Variants in ODF2 observed in about 807,000 individuals in gnomAD.
ODF2 encodes the protein outer dense fiber of sperm tails 2.
Under a neutral mutation model 110.2 loss-of-function variants are expected in ODF2, and 47 were observed. That is an observed-to-expected ratio of 0.43 (90% CI 0.34 to 0.54). The LOEUF is 0.54. Among genes scored for constraint, ODF2 ranks in the 20% least tolerant of loss-of-function variants. The pLI, the probability that ODF2 is intolerant of heterozygous loss-of-function variation, is 0.03. For missense variants in ODF2, 812 were observed against 1,054.5 expected (o/e 0.77, Z 3.19); for synonymous variants, 352 against 397.7 (o/e 0.89, Z 1.37).
chr9:128,461,185 A>T (rs1040117592), intron 4 of ODF2, 118 bp downstream of exon 4: 2 of 1,287,070 alleles, frequency 1.6e-6, no homozygotes, highest in African/African-American at 3.0e-5. Flanking sequence ...GACCCCATTT[A>T]CTGAGGGCCT....
intron 13 of ODF2, among the ~76,000 whole-genome samples, chr9:128,487,385 C>T (rs1843578268): frequency 6.6e-6 from 1 of 152,128 alleles, no homozygotes; most frequent in African/African-American, 2.4e-5. Context: ...AATGCCAAGG[C>T]AGGGCAGCAG....
intron 8 of ODF2, among the ~76,000 whole-genome samples, chr9:128,475,141 C>T (rs1201488238): frequency 2.6e-5 from 4 of 152,050 alleles, no homozygotes; most frequent in Non-Finnish European, 5.9e-5. Flanking sequence ...AATCATATAA[C>T]AACTATTTAC....
At chr9:128,473,277 C>T (rs1840479569) in intron 7 of ODF2, 2 of 982,828 alleles carry the variant, frequency 2.0e-6, no homozygotes, top group East Asian at 2.3e-4. Flanking sequence ...CTCCTGGGAT[C>T]ACAGTGAGTC....
At chr9:128,496,125 G>A in exon 18 of ODF2, 3 of 1,614,000 alleles carry the variant, frequency 1.9e-6, no homozygotes, top group South Asian at 1.1e-5. Flanking sequence ...GAGTCTGAAG[G>A]TGGATGAACT....
chr9:128,493,532 C>T (rs1357282168), intron 16 of ODF2, among the ~76,000 whole-genome samples: 1 of 152,178 alleles, frequency 6.6e-6, no homozygotes, highest in Non-Finnish European at 1.5e-5. Context: ...TGTCTCCCAT[C>T]CTCTTCCCAA....
upstream of ODF2, among the ~76,000 whole-genome samples, chr9:128,455,678 G>GA (rs149078806): frequency 6.6e-6 from 1 of 151,206 alleles, no homozygotes; most frequent in Admixed American, 6.6e-5. Context: ...TGTGGGCAGG[G>GA]GAGAGGCCGG....
chr9:128,491,865 TC>T (rs371577268), intron 14 of ODF2, among the ~76,000 whole-genome samples: 3 of 150,450 alleles, frequency 2.0e-5, no homozygotes, highest in Non-Finnish European at 4.5e-5. Context: ...ATCCCCATTT[TC>T]TTTTTTTTTT....
chr9:128,481,749 T>A, intron 9 of ODF2, 98 bp downstream of exon 9: 1 of 936,874 alleles, frequency 1.1e-6, no homozygotes, highest in Non-Finnish European at 1.7e-6. Context: ...GCAGGAGGGC[T>A]GGAGCATTTC....
intron 3 of ODF2, 22 bp from the exon 4 acceptor site, chr9:128,460,920 C>T (rs777770094): frequency 1.2e-6 from 2 of 1,614,136 alleles, no homozygotes; most frequent in Admixed American, 3.3e-5. Context: ...GGAAGTGACC[C>T]TGGGTTTGTC....
chr9:128,455,298 T>C, upstream of ODF2: 7 of 1,435,000 alleles, frequency 4.9e-6, no homozygotes, highest in Non-Finnish European at 6.6e-6. Flanking sequence ...AAGCCTGTAA[T>C]ACAAGCACTT....
At chr9:128,480,471 C>T (rs1307460427) in intron 8 of ODF2, among the ~76,000 whole-genome samples, 1 of 152,218 alleles carries the variant, frequency 6.6e-6, no homozygotes, top group African/African-American at 2.4e-5. Flanking sequence ...AGTCACCATG[C>T]TGTACACTTT....
chr9:128,461,290 C>A, intron 4 of ODF2: 1 of 548,494 alleles, frequency 1.8e-6, no homozygotes, highest in South Asian at 2.4e-5. Context: ...AGGAACCAGA[C>A]CTCAGAGAGA....
rs1564515454 is a variant in ODF2 at position 128,487,807 on chromosome 9, ACACACACAC to A, written c.1401-82_1401-74del. On this transcript the variant is annotated intron_variant, in intron 13 of 20. Coordinates refer to ENST00000604420, the Ensembl canonical transcript of ODF2. ...GTCTAAAAAAACAAACAAACAAAAC[ACACACACAC>A]ACACACACACACACACACAAACAAA... The A allele has an allele frequency of 3.6e-4, 500 of 1,382,606 alleles. 3 individuals are homozygous for A. The highest frequency in any genetic ancestry group is 4.4e-4 in the Non-Finnish European group (448 of 1,007,646). 85.6% of individuals were successfully genotyped at this position (1,382,606 alleles called of 1,614,324 possible).
At chr9:128,492,756 A>T (rs1031996204) in exon 16 of ODF2, 40 of 1,614,112 alleles carry the variant, frequency 2.5e-5, no homozygotes, top group Non-Finnish European at 3.1e-5. Context: ...GAACGCTGTG[A>T]CAAAGAGAAC....
chr9:128,482,828 C>T, exon 10 of ODF2: 1 of 1,613,302 alleles, frequency 6.2e-7, no homozygotes, highest in Non-Finnish European at 8.5e-7. Flanking sequence ...CCTGCTGTTA[C>T]TGCTGCAAGA....
intron 6 of ODF2, 138 bp downstream of exon 6, chr9:128,471,606 C>A: frequency 1.4e-6 from 1 of 697,524 alleles, no homozygotes; most frequent in African/African-American, 1.9e-5. Flanking sequence ...TCAACAGTCA[C>A]ACAATTAATT....
chr9:128,460,918 C>T, intron 3 of ODF2, 24 bp from the exon 4 acceptor site: 1 of 1,614,098 alleles, frequency 6.2e-7, no homozygotes, highest in Non-Finnish European at 8.5e-7. Flanking sequence ...GTGGAAGTGA[C>T]CCTGGGTTTG....
chr9:128,464,989 C>G (rs1837479031), intron 4 of ODF2, among the ~76,000 whole-genome samples: 2 of 152,206 alleles, frequency 1.3e-5, no homozygotes, highest in South Asian at 2.1e-4. Flanking sequence ...GCCACTGTGC[C>G]TGGCCTCCTT....
At chr9:128,498,496 T>C in exon 19 of ODF2, 1 of 1,613,616 alleles carries the variant, frequency 6.2e-7, no homozygotes, top group Non-Finnish European at 8.5e-7. Context: ...CAGTCCCAGC[T>C]GCGGCTGGAG....
Sources: allele counts gnomAD v4.1 joint callset (sites outside exome capture counted in the v4.1 genomes callset), GRCh38; gene constraint gnomAD v4.1.1; transcripts MANE v1.5; gene names NCBI Gene and HGNC (gene_info 2026-07-23, HGNC 2026-07-21).